Variants in DCAF7 observed in about 807,000 individuals in gnomAD.
The protein encoded by DCAF7 is DDB1 and CUL4 associated factor 7.
A neutral mutation model predicts 41.2 loss-of-function variants in DCAF7; 4 were observed. That is an observed-to-expected ratio of 0.10 (90% CI 0.05 to 0.22). DCAF7 has a LOEUF of 0.22. DCAF7 is among the 10% of genes least tolerant of loss of function. The pLI, the probability that DCAF7 is intolerant of heterozygous loss-of-function variation, is 1.00. For missense variants in DCAF7, 131 were observed against 443.2 expected (o/e 0.30, Z 6.32); for synonymous variants, 143 against 164.2 (o/e 0.87, Z 0.99).
rs184277624 is a variant in DCAF7, at chr17:63,555,753, T to C, written c.138+4938T>C. Among the ~76,000 whole-genome samples the C allele has an allele frequency of 3.9e-4, 60 of 152,330 alleles. 1 individual carries two copies. Among genetic ancestry groups the C allele is most frequent in the Admixed American group, 3.9e-3 (59 of 15,296 alleles). ...TTTTCTAGACAGTGAGAGGACTCATTCCCTGTTGTGACCACTGGATAAAAG... is the reference window on the plus strand; with the variant it reads ...TTTTCTAGACAGTGAGAGGACTCATCCCCTGTTGTGACCACTGGATAAAAG... On this transcript the variant is annotated intron_variant, in intron 1 of 6. Transcript: ENST00000614556.
At chr17:63,558,231 A>C (rs377588509) in intron 1 of DCAF7, among the ~76,000 whole-genome samples, 3 of 152,192 alleles carry the variant, frequency 2.0e-5, no homozygotes, top group African/African-American at 7.2e-5. Flanking sequence ...TGAAGAAAGA[A>C]TTATTTGGAC....
In DCAF7 at chr17:63,592,880, A is replaced by T. The variant is rs2033748849; in HGVS notation, c.*3708A>T. ...TTACAGAGCAGGAGAAGCAGAGGTT[A>T]TGACAGTTATGCAGACTTTCCCCCT... On this transcript the variant is annotated 3_prime_UTR_variant, in exon 7 of 7. Transcript: ENST00000614556. 6.6e-6 allele frequency: 1 copy of T among 152,352 alleles called. No homozygotes were observed. The highest frequency in any genetic ancestry group is 1.5e-5 in the Non-Finnish European group (1 of 68,196). The allele number at this position is 152,352 out of a possible 1,614,324, so 9.4% of individuals were successfully genotyped here.
rs72845883 is a variant in DCAF7 at position 63,580,936 on chromosome 17, C to T, written c.528+993C>T. Among the ~76,000 whole-genome samples, 1,071 of 152,228 alleles carry T rather than the reference C, an allele frequency of 7.0e-3. 10 individuals are homozygous for T. The highest frequency in any genetic ancestry group is 9.4e-3 in the Non-Finnish European group (639 of 68,010). On this transcript the variant is annotated intron_variant, in intron 4 of 6. Transcript: ENST00000614556. ...CTCTCATCTCCTGTGGGTACTATTT[C>T]CTGTTCTTTTCTACCTTACCCTGCA... is the stretch of plus-strand genomic sequence containing the variant.
At chr17:63,584,484 A>G (rs2033656943) in intron 5 of DCAF7, among the ~76,000 whole-genome samples, 2 of 150,740 alleles carry the variant, frequency 1.3e-5, no homozygotes, top group East Asian at 1.9e-4. Context: ...AAAAAAGGCC[A>G]GGCACGGTGG....
chr17:63,565,705 G>T (rs933703617), intron 1 of DCAF7, among the ~76,000 whole-genome samples: 1 of 152,210 alleles, frequency 6.6e-6, no homozygotes, highest in Non-Finnish European at 1.5e-5. Context: ...TAAATGAGAT[G>T]ATGTGTGTAA....
chr17:63,573,043 G>C (rs1207891460), intron 1 of DCAF7, among the ~76,000 whole-genome samples: 1 of 152,190 alleles, frequency 6.6e-6, no homozygotes, highest in Admixed American at 6.5e-5. Context: ...GACTACAGGT[G>C]TGAGCCACCA....
At chr17:63,552,864 G>A (rs968762446) in intron 1 of DCAF7, among the ~76,000 whole-genome samples, 1 of 152,160 alleles carries the variant, frequency 6.6e-6, no homozygotes, top group Non-Finnish European at 1.5e-5. Flanking sequence ...AGGTAGCATG[G>A]CTTAGCAGTG....
intron 1 of DCAF7, 94 bp from the exon 2 acceptor site, chr17:63,578,376 C>G: frequency 6.4e-7 from 1 of 1,552,244 alleles, no homozygotes. Context: ...AAACAAAAAA[C>G]AAACAAAAAA....
rs1568097865 is a variant in DCAF7 at position 63,559,419 on chromosome 17, A to ATGTATATATATG, written c.138+8604_138+8605insTGTATATATATG. Among the ~76,000 whole-genome samples, 268 of 109,618 alleles carry ATGTATATATATG rather than the reference A, an allele frequency of 2.4e-3. 16 individuals carry two copies. The highest frequency in any genetic ancestry group is 0.012 in the African/African-American group (255 of 22,152). The allele number at this position is 109,618 out of a possible 152,430, so 71.9% of individuals were successfully genotyped here. A position where few individuals can be genotyped will look rare whatever the true frequency, so the allele number is the denominator to read the frequency against. On this transcript the variant is annotated intron_variant, in intron 1 of 6. Coordinates refer to ENST00000614556, the MANE Select transcript of DCAF7 (RefSeq NM_005828.5). ...TATATGTATATATATGTATATATAT[A>ATGTATATATATG]CGTATATATATATGTGTGTGTATAT...
In DCAF7 at chr17:63,557,092, G is replaced by A. The variant is rs79294667; in HGVS notation, c.138+6277G>A. 3.7e-3 allele frequency among the ~76,000 whole-genome samples: 558 copies of A among 152,250 alleles called. 4 individuals are homozygous for A. Among genetic ancestry groups the A allele is most frequent in the Non-Finnish European group, 6.0e-3 (407 of 68,010 alleles). ...GCTGTAGAAAGATGCTATTAGAAAG[G>A]ATGGGGGGAAATGGAAAATAAGTGG... On this transcript the variant is annotated intron_variant, in intron 1 of 6. Coordinates refer to ENST00000614556, the MANE Select transcript of DCAF7 (RefSeq NM_005828.5).
chr17:63,579,310 T>A (rs764500836), intron 2 of DCAF7, 27 bp from the exon 3 acceptor site: 2 of 1,517,696 alleles, frequency 1.3e-6, no homozygotes, highest in African/African-American at 1.4e-5. Context: ...GACTGGCTGA[T>A]TTTTTTTAAA....
intron 2 of DCAF7, 63 bp downstream of exon 2, chr17:63,578,691 GAA>G (rs2033588434): frequency 2.5e-6 from 4 of 1,607,430 alleles, no homozygotes; most frequent in Admixed American, 3.3e-5. Flanking sequence ...TGTTAGCAGT[GAA>G]AAGTCACAGA....
chr17:63,557,129 C>G (rs2033319817), intron 1 of DCAF7, among the ~76,000 whole-genome samples: 1 of 152,006 alleles, frequency 6.6e-6, no homozygotes, highest in African/African-American at 2.4e-5. Flanking sequence ...AGATAAAGTA[C>G]CCATACTAAA....
chr17:63,561,966 GCTGT>G (rs1359879067), intron 1 of DCAF7, among the ~76,000 whole-genome samples: 1 of 147,528 alleles, frequency 6.8e-6, no homozygotes, highest in Non-Finnish European at 1.5e-5. Context: ...GAACTAGAGT[GCTGT>G]CTGTCTCCAG....
At chr17:63,579,235 A>T (rs779172347) in intron 2 of DCAF7, 102 bp from the exon 3 acceptor site, 7 of 740,334 alleles carry the variant, frequency 9.5e-6, no homozygotes, top group Non-Finnish European at 1.5e-5. Flanking sequence ...TTTTCCCCTC[A>T]TGTCTTATGT....
In DCAF7 at chr17:63,572,159, C is replaced by T. The variant is rs538619724; in HGVS notation, c.139-6311C>T. Among the ~76,000 whole-genome samples the T allele has an allele frequency of 1.4e-4, 21 of 152,198 alleles. No individual in the cohort carries two copies. The South Asian group carries it at 3.9e-3, about 29-fold the overall frequency. ...GCAAGATGTCATAATATTCAAAGCT[C>T]ATATATTGAGTAAGACAGTTCTATG... is the stretch of plus-strand genomic sequence containing the variant. On this transcript the variant is annotated intron_variant, in intron 1 of 6. Coordinates refer to ENST00000614556, the MANE Select transcript of DCAF7 (RefSeq NM_005828.5).
intron 1 of DCAF7, among the ~76,000 whole-genome samples, chr17:63,570,009 G>A (rs578027959): frequency 2.0e-5 from 3 of 151,874 alleles, no homozygotes; most frequent in African/African-American, 7.2e-5. Flanking sequence ...CACCACACCC[G>A]GTCTAGATGT....
In DCAF7 at chr17:63,589,981, T is replaced by C. The variant is rs1256061994; in HGVS notation, c.*809T>C. 6.5e-6 allele frequency: 1 copy of C among 152,702 alleles called. No individual in the cohort carries two copies. 9.5% of individuals were successfully genotyped at this position (152,702 alleles called of 1,614,324 possible). A position where few individuals can be genotyped will look rare whatever the true frequency, so the allele number is the denominator to read the frequency against. On this transcript the variant is annotated 3_prime_UTR_variant, in exon 7 of 7. Transcript: ENST00000614556. ...CCCTGAAGCACCACTGTCCAGCCCA[T>C]TGGTTCCCACTGGCAGCATGGTAGA...
intron 4 of DCAF7, among the ~76,000 whole-genome samples, chr17:63,581,083 C>T (rs1179784670): frequency 6.6e-6 from 1 of 152,146 alleles, no homozygotes; most frequent in Non-Finnish European, 1.5e-5. Context: ...AAGGGGTTGT[C>T]TTTGGCTTTC....
Sources: allele counts gnomAD v4.1 joint callset (sites outside exome capture counted in the v4.1 genomes callset), GRCh38; gene constraint gnomAD v4.1.1; transcripts MANE v1.5; gene names NCBI Gene and HGNC (gene_info 2026-07-23, HGNC 2026-07-21).